Variants in TAS2R16 observed in about 807,000 individuals in gnomAD.
TAS2R16 encodes the protein taste 2 receptor member 16, also known as taste receptor type 2 member 16.
TAS2R16 carries 5 observed loss-of-function variants against 5.0 expected under a neutral mutation model. The observed-to-expected ratio is 1.00, with a 90% CI of 0.52 to 2.11. The LOEUF is 2.11. Among genes scored for constraint, TAS2R16 ranks in the 30% most tolerant of loss-of-function variants. The pLI, the probability that TAS2R16 is intolerant of heterozygous loss-of-function variation, is 0.01. For missense variants in TAS2R16, 363 were observed against 341.3 expected (o/e 1.06, Z -0.50); for synonymous variants, 142 against 123.3 (o/e 1.15, Z -1.00).
rs1585226635 is a variant in TAS2R16 at position 122,995,488 on chromosome 7, G to A, written c.147C>T (p.Leu49=). ...AGAAGCGAGAGATGCCCAGGCTGAT[G>A]AGAATCATGTCCACAGGCATCAGCC... is the stretch of plus-strand genomic sequence containing the variant. The part of the protein sequence containing the change: ...VRRLMPVDMI[L]ISLGISRFCL... Residue 49 remains leucine (L), a synonymous_variant, in exon 1 of 1, where the codon CTC becomes CTT. Coordinates refer to ENST00000249284, the MANE Select transcript of TAS2R16 (RefSeq NM_016945.3). The A allele has an allele frequency of 6.2e-7, 1 of 1,613,800 alleles. No individual in the cohort carries two copies.
rs555372554 is a variant in TAS2R16, at chr7:122,995,491, A to G, written c.144T>C (p.Ile48=). The G allele has an allele frequency of 1.9e-6, 3 of 1,613,660 alleles. No homozygotes were observed. Among genetic ancestry groups the G allele is most frequent in the Admixed American group, 1.7e-5 (1 of 59,966 alleles). Residue 48 remains isoleucine, a synonymous_variant, in exon 1 of 1, where the codon ATT becomes ATC. Coordinates refer to ENST00000249284, the MANE Select transcript of TAS2R16 (RefSeq NM_016945.3). ...QVRRLMPVDM[I]LISLGISRFC... The stretch of plus-strand genomic sequence containing the variant: ...AGCGAGAGATGCCCAGGCTGATGAG[A>G]ATCATGTCCACAGGCATCAGCCTTC...
Position 122,995,126 on chromosome 7 carries a change from A to G in TAS2R16, c.509T>C (p.Leu170Pro), listed in dbSNP as rs752421987. Residue 170 changes from leucine (L) to proline (P), a missense_variant, in exon 1 of 1, where the codon CTT becomes CCT. Physicochemically the swap from Leu to Pro is moderately conservative, Grantham distance 98. Coordinates refer to ENST00000249284, the MANE Select transcript of TAS2R16 (RefSeq NM_016945.3). Reference sequence around the variant, plus strand: ...GAACTGATACTGATGAAAATTTTCAAGTTTGTCAGTTACAGTGCTGTTTCT... The same window carrying G: ...GAACTGATACTGATGAAAATTTTCAGGTTTGTCAGTTACAGTGCTGTTTCT... Reference protein sequence around the residue: ...LPRNSTVTDKLENFHQYQFQA... With the variant: ...LPRNSTVTDKPENFHQYQFQA... The G allele has an allele frequency of 6.2e-7, 1 of 1,613,734 alleles. No homozygotes were observed. The highest frequency in any genetic ancestry group is 1.3e-5 in the African/African-American group (1 of 74,886).
rs34215184 is a variant in TAS2R16, at chr7:122,995,415, A to C, written c.220T>G (p.Leu74Val). Residue 74 changes from leucine to valine, a missense_variant, in exon 1 of 1, where the codon TTG (leucine) becomes GTG (valine). By Grantham distance (32) the Leu-to-Val change is conservative (BLOSUM62 1). Transcript: ENST00000249284. ...MLNNFCSYFN[L>V]NYVLCNLTIT... ...GTTAAGTTGCAAAGTACATAATTCA[A>C]ATTAAAATAGGAGCAAAAATTGTTC... The C allele has an allele frequency of 2.8e-4, 455 of 1,613,548 alleles. 1 individual carries two copies. Among genetic ancestry groups the C allele is most frequent in the Non-Finnish European group, 5.0e-5 (59 of 1,179,820 alleles).
At position 122,995,301 on chromosome 7, in the gene TAS2R16, G is replaced by A. The variant is rs1384732963; in HGVS notation, c.334C>T (p.His112Tyr). Reference sequence around the variant, plus strand: ...CACCTCAGCCAGAGAAAGATGTGATGGGTGAAAGAAGAGACCTTGATGCAG... The same window carrying A: ...CACCTCAGCCAGAGAAAGATGTGATAGGTGAAAGAAGAGACCTTGATGCAG... Reference protein sequence around the residue: ...FYCIKVSSFTHHIFLWLRWRI... With the variant: ...FYCIKVSSFTYHIFLWLRWRI... The change falls in exon 1 of 1, where the codon CAT becomes TAT. Residue 112 changes from histidine to tyrosine, a missense_variant. Coordinates refer to ENST00000249284, the MANE Select transcript of TAS2R16 (RefSeq NM_016945.3). 1 of 1,613,676 alleles carries A rather than the reference G, an allele frequency of 6.2e-7. No homozygotes were observed. Among genetic ancestry groups the A allele is most frequent in the African/African-American group, 1.3e-5 (1 of 74,998 alleles).
Position 122,995,105 on chromosome 7 carries a change from T to A in TAS2R16, c.530A>T (p.Gln177Leu), listed in dbSNP as rs28371577. 1 of 1,613,900 alleles carries A rather than the reference T, an allele frequency of 6.2e-7. No homozygotes were observed. The highest frequency in any genetic ancestry group is 8.5e-7 in the Non-Finnish European group (1 of 1,179,880). Reference sequence around the variant, plus strand: ...CAATGCAACTGTATGAGCCTGGAACTGATACTGATGAAAATTTTCAAGTTT... The same window carrying A: ...CAATGCAACTGTATGAGCCTGGAACAGATACTGATGAAAATTTTCAAGTTT... ...TDKLENFHQY[Q>L]FQAHTVALVI... is the part of the protein sequence containing the mutation. The change falls in exon 1 of 1, where the codon CAG becomes CTG. Residue 177 changes from glutamine (Q) to leucine (L), a missense_variant. Coordinates refer to ENST00000249284, the MANE Select transcript of TAS2R16 (RefSeq NM_016945.3).
chr7:122,994,900 G>A lies in TAS2R16; in HGVS notation c.735C>T (p.Ile245=), dbSNP rs1212077940. The change falls in exon 1 of 1, where the codon ATC becomes ATT. Residue 245 remains isoleucine (I), a synonymous_variant. Coordinates refer to ENST00000249284, the MANE Select transcript of TAS2R16 (RefSeq NM_016945.3). ...VFTSYFLTIL[I]TIIGTLFDKR... ...TATCAAATAGAGTACCTATAATGGTGATGAGTATGGTTAGAAAGTAAGAGG... is the reference window on the plus strand; with the variant it reads ...TATCAAATAGAGTACCTATAATGGTAATGAGTATGGTTAGAAAGTAAGAGG... 4 of 1,613,528 alleles carry A rather than the reference G, an allele frequency of 2.5e-6. No individual in the cohort carries two copies. The highest frequency in any genetic ancestry group is 3.4e-6 in the Non-Finnish European group (4 of 1,179,776).
Position 122,995,403 on chromosome 7 carries a change from G to C in TAS2R16, c.232C>G (p.Leu78Val). Residue 78 changes from leucine (L) to valine (V), a missense_variant, in exon 1 of 1, where the codon CTT becomes GTT. By Grantham distance (32) the Leu-to-Val change is conservative. Transcript: ENST00000249284. ...FCSYFNLNYV[L>V]CNLTITWEFF... ...TCCCAGGTGATTGTTAAGTTGCAAAGTACATAATTCAAATTAAAATAGGAG... is the reference window on the plus strand; with the variant it reads ...TCCCAGGTGATTGTTAAGTTGCAAACTACATAATTCAAATTAAAATAGGAG... 1.9e-6 allele frequency: 3 copies of C among 1,613,584 alleles called. No homozygotes were observed. The highest frequency in any genetic ancestry group is 2.5e-6 in the Non-Finnish European group (3 of 1,179,806).
chr7:122,995,579 A>G lies in TAS2R16; in HGVS notation c.56T>C (p.Leu19Ser). ...TAGGCTGCTCTGCACAATAATTGTCAAGGACTCAAGCACATAGATGATCAT... is the reference window on the plus strand; with the variant it reads ...TAGGCTGCTCTGCACAATAATTGTCGAGGACTCAAGCACATAGATGATCAT... ...FFMIIYVLES[L>S]TIIVQSSLIV... Residue 19 changes from leucine (L) to serine (S), a missense_variant, in exon 1 of 1, where the codon TTG (leucine) becomes TCG (serine). Transcript: ENST00000249284. The G allele has an allele frequency of 6.3e-7, 1 of 1,599,436 alleles. No individual in the cohort carries two copies. Among genetic ancestry groups the G allele is most frequent in the Non-Finnish European group, 8.5e-7 (1 of 1,173,760 alleles).
rs756551065 is a variant in TAS2R16 at position 122,994,774 on chromosome 7, T to C, written c.861A>G (p.Leu287=). 1 of 1,573,556 alleles carries C rather than the reference T, an allele frequency of 6.4e-7. No individual in the cohort carries two copies. Among genetic ancestry groups the C allele is most frequent in the Admixed American group, 1.9e-5 (1 of 53,220 alleles). The change falls in exon 1 of 1, where the codon CTA becomes CTG. Residue 287 remains leucine, a synonymous_variant. Coordinates refer to ENST00000249284, the MANE Select transcript of TAS2R16 (RefSeq NM_016945.3). ...ACCTCTAGGCCTAGCACTTTCCCTT[T>C]AGAATCCTTTTCAACGTAGGGCTGC... is the stretch of plus-strand genomic sequence containing the variant. ...MLSSPTLKRI[L]KGKC is the part of the protein sequence containing the mutation.
chr7:122,995,039 A>G lies in TAS2R16; in HGVS notation c.596T>C (p.Leu199Pro), dbSNP rs1244183115. The G allele has an allele frequency of 1.9e-6, 3 of 1,613,910 alleles. No homozygotes were observed. The highest frequency in any genetic ancestry group is 2.2e-5 in the East Asian group (1 of 44,840). The change falls in exon 1 of 1, where the codon CTC becomes CCC. Residue 199 changes from leucine (L) to proline (P), a missense_variant. By Grantham distance (98) the Leu-to-Pro change is moderately conservative. Transcript: ENST00000249284. ...TATCTGCTTGGTCAGTGATGCCATG[A>G]GAAAGATGGTGGAGGCCAGGAACAG... ...FILFLASTIFLMASLTKQIQH... is the reference protein window; with the variant it reads ...FILFLASTIFPMASLTKQIQH...
rs756667679 is a variant in TAS2R16, at chr7:122,994,801, C to T, written c.834G>A (p.Leu278=). The T allele has an allele frequency of 1.9e-6, 3 of 1,603,182 alleles. No homozygotes were observed. The highest frequency in any genetic ancestry group is 1.1e-5 in the South Asian group (1 of 88,850). Residue 278 remains leucine (L), a synonymous_variant, in exon 1 of 1, where the codon CTG becomes CTA. Coordinates refer to ENST00000249284, the MANE Select transcript of TAS2R16 (RefSeq NM_016945.3). ...FILMHSTSLM[L]SSPTLKRILK... is the part of the protein sequence containing the mutation. ...GAATCCTTTTCAACGTAGGGCTGCT[C>T]AGCATCAGTGAAGTGGAATGCATTA...
Position 122,995,081 on chromosome 7 carries a change from A to G in TAS2R16, c.554T>C (p.Leu185Ser), listed in dbSNP as rs1825950778. The G allele has an allele frequency of 6.2e-7, 1 of 1,613,756 alleles. No individual in the cohort carries two copies. ...QYQFQAHTVA[L>S]VIPFILFLAS... Reference sequence around the variant, plus strand: ...CAGGAACAGGATGAAAGGAATAACCAATGCAACTGTATGAGCCTGGAACTG... The same window carrying G: ...CAGGAACAGGATGAAAGGAATAACCGATGCAACTGTATGAGCCTGGAACTG... The change falls in exon 1 of 1, where the codon TTG becomes TCG. Residue 185 changes from leucine to serine, a missense_variant. Leu to Ser is a moderately radical substitution (Grantham distance 145, BLOSUM62 -2). Coordinates refer to ENST00000249284, the MANE Select transcript of TAS2R16 (RefSeq NM_016945.3).
chr7:122,995,080 C>T lies in TAS2R16; in HGVS notation c.555G>A (p.Leu185=). The T allele has an allele frequency of 6.2e-7, 1 of 1,613,810 alleles. No homozygotes were observed. Among genetic ancestry groups the T allele is most frequent in the Non-Finnish European group, 8.5e-7 (1 of 1,179,886 alleles). Residue 185 remains leucine, a synonymous_variant, in exon 1 of 1, where the codon TTG becomes TTA. Coordinates refer to ENST00000249284, the MANE Select transcript of TAS2R16 (RefSeq NM_016945.3). ...QYQFQAHTVA[L]VIPFILFLAS... Reference sequence around the variant, plus strand: ...CCAGGAACAGGATGAAAGGAATAACCAATGCAACTGTATGAGCCTGGAACT... The same window carrying T: ...CCAGGAACAGGATGAAAGGAATAACTAATGCAACTGTATGAGCCTGGAACT...
In TAS2R16 at chr7:122,995,073, G is replaced by A. The variant is rs771070462; in HGVS notation, c.562C>T (p.Pro188Ser). ...GTGGAGGCCAGGAACAGGATGAAAGGAATAACCAATGCAACTGTATGAGCC... is the reference window on the plus strand; with the variant it reads ...GTGGAGGCCAGGAACAGGATGAAAGAAATAACCAATGCAACTGTATGAGCC... ...FQAHTVALVIPFILFLASTIF... is the reference protein window; with the variant it reads ...FQAHTVALVISFILFLASTIF... Residue 188 changes from proline to serine, a missense_variant, in exon 1 of 1, where the codon CCT becomes TCT. Pro to Ser is a moderately conservative substitution (Grantham distance 74, BLOSUM62 -1). Coordinates refer to ENST00000249284, the MANE Select transcript of TAS2R16 (RefSeq NM_016945.3). The A allele has an allele frequency of 9.3e-6, 15 of 1,613,720 alleles. No homozygotes were observed. The highest frequency in any genetic ancestry group is 1.2e-5 in the Non-Finnish European group (14 of 1,179,878).
Position 122,994,859 on chromosome 7 carries a change from C to G in TAS2R16, c.776G>C (p.Trp259Ser). 6.2e-7 allele frequency: 1 copy of G among 1,613,578 alleles called. No homozygotes were observed. The highest frequency in any genetic ancestry group is 2.2e-5 in the East Asian group (1 of 44,836). Reference protein sequence around the residue: ...GTLFDKRCWLWVWEAFVYAFI... With the variant: ...GTLFDKRCWLSVWEAFVYAFI... ...AGCATAGACAAAAGCTTCCCAGACC[C>G]ATAACCAACATCTCTTATCAAATAG... is the stretch of plus-strand genomic sequence containing the variant. The change falls in exon 1 of 1, where the codon TGG (tryptophan) becomes TCG (serine). Residue 259 changes from tryptophan (W) to serine (S), a missense_variant. By Grantham distance (177) the Trp-to-Ser change is radical. Coordinates refer to ENST00000249284, the MANE Select transcript of TAS2R16 (RefSeq NM_016945.3).
Position 122,995,672 on chromosome 7 carries a change from G to A in TAS2R16, c.-38C>T, listed in dbSNP as rs751013830. ...AAGTGTCTTCCTGGACAAAGACTCTGAATCTCTGTACCAATTTCCAGGTAG... is the reference window on the plus strand; with the variant it reads ...AAGTGTCTTCCTGGACAAAGACTCTAAATCTCTGTACCAATTTCCAGGTAG... On this transcript the variant is annotated 5_prime_UTR_variant, in exon 1 of 1. Transcript: ENST00000249284. The A allele has an allele frequency of 7.3e-6, 11 of 1,504,706 alleles. No homozygotes were observed. In the South Asian group the frequency reaches 1.1e-4, roughly 15 times the overall value. The allele number at this position is 1,504,706 out of a possible 1,614,324, so 93.2% of individuals were successfully genotyped here. A position where few individuals can be genotyped will look rare whatever the true frequency, so the allele number is the denominator to read the frequency against.
Position 122,994,812 on chromosome 7 carries a change from A to C in TAS2R16, c.823T>G (p.Ser275Ala). ...AACGTAGGGCTGCTCAGCATCAGTGAAGTGGAATGCATTAAGATGAAAGCA... is the reference window on the plus strand; with the variant it reads ...AACGTAGGGCTGCTCAGCATCAGTGCAGTGGAATGCATTAAGATGAAAGCA... ...VYAFILMHST[S>A]LMLSSPTLKR... Residue 275 changes from serine (S) to alanine (A), a missense_variant, in exon 1 of 1, where the codon TCA (serine) becomes GCA (alanine). Coordinates refer to ENST00000249284, the MANE Select transcript of TAS2R16 (RefSeq NM_016945.3). The C allele has an allele frequency of 6.2e-7, 1 of 1,608,490 alleles. No homozygotes were observed. Among genetic ancestry groups the C allele is most frequent in the South Asian group, 1.1e-5 (1 of 90,102 alleles).
At position 122,994,896 on chromosome 7, in the gene TAS2R16, T is replaced by A; in HGVS notation, c.739A>T (p.Ile247Phe). 1 of 1,613,596 alleles carries A rather than the reference T, an allele frequency of 6.2e-7. No individual in the cohort carries two copies. Among genetic ancestry groups the A allele is most frequent in the South Asian group, 1.1e-5 (1 of 91,058 alleles). Residue 247 changes from isoleucine to phenylalanine, a missense_variant, in exon 1 of 1, where the codon ATT becomes TTT. Transcript: ENST00000249284. ...TSYFLTILIT[I>F]IGTLFDKRCW... The stretch of plus-strand genomic sequence containing the variant: ...CTCTTATCAAATAGAGTACCTATAA[T>A]GGTGATGAGTATGGTTAGAAAGTAA...
Position 122,994,712 on chromosome 7 carries a change from C to G in TAS2R16, c.*47G>C. The G allele has an allele frequency of 6.6e-7, 1 of 1,510,112 alleles. No individual in the cohort carries two copies. The highest frequency in any genetic ancestry group is 2.3e-5 in the Admixed American group (1 of 43,496). The allele number at this position is 1,510,112 out of a possible 1,614,324, so 93.5% of individuals were successfully genotyped here. A position where few individuals can be genotyped will look rare whatever the true frequency, so the allele number is the denominator to read the frequency against. ...TACTCTCTTCTGGTATTAATTATAT[C>G]AATTGCTCGGGAGTCTTTTATCCTG... On this transcript the variant is annotated 3_prime_UTR_variant, in exon 1 of 1. Transcript: ENST00000249284.
Sources: gnomAD v4.1 joint callset for allele counts on GRCh38, gnomAD v4.1.1 for gene constraint, MANE v1.5 for transcripts, NCBI Gene and HGNC (gene_info 2026-07-23, HGNC 2026-07-21) for gene names.